The following FBXO7 variants were observed in gnomAD, a reference collection of about 807,000 sequenced individuals.
FBXO7 encodes the protein F-box protein 7.
In FBXO7, 31 loss-of-function variants were observed where a neutral mutation model predicts 50.2. The ratio of observed to expected loss-of-function variants is 0.62; its 90% CI spans 0.46 to 0.83. The LOEUF (loss-of-function observed/expected upper bound fraction) is 0.83, where lower values mean the gene tolerates loss of function less well. FBXO7 is among the 40% of genes least tolerant of loss of function. The pLI is 0.00. For missense variants in FBXO7, 667 were observed against 646.6 expected (o/e 1.03, Z -0.34); for synonymous variants, 256 against 253.1 (o/e 1.01, Z -0.11).
intron 3 of FBXO7, 24 bp from the exon 4 acceptor site, chr22:32,485,044 T>G (rs2057489476): frequency 6.2e-7 from 1 of 1,613,990 alleles, no homozygotes; most frequent in Non-Finnish European, 8.5e-7. Flanking sequence ...TCATTATTTG[T>G]TTCCCTTTCA....
chr22:32,494,502 T>C (rs1344336809), intron 7 of FBXO7, among the ~76,000 whole-genome samples: 1 of 152,008 alleles, frequency 6.6e-6, no homozygotes, highest in Non-Finnish European at 1.5e-5. Flanking sequence ...CCCCCACACC[T>C]GGCCAATTTT....
intron 7 of FBXO7, among the ~76,000 whole-genome samples, chr22:32,494,076 CTG>C (rs1267450763): frequency 8.0e-6 from 1 of 125,272 alleles, no homozygotes. Context: ...ACCTTAGTAA[CTG>C]TAAAAATGTG....
rs1219817748 is a variant in FBXO7 at position 32,476,555 on chromosome 22, CT to C, written c.122+1432del. ...GCTTGTGAAAGTAAACTCATTTTTTCTGAAAGTATACTCATTTTCTAATAAA... is the reference window on the plus strand; with the variant it reads ...GCTTGTGAAAGTAAACTCATTTTTTCGAAAGTATACTCATTTTCTAATAAA... On this transcript the variant is annotated intron_variant, in intron 1 of 8. Transcript: ENST00000266087. Among the ~76,000 whole-genome samples the C allele has an allele frequency of 3.9e-5, 6 of 152,192 alleles. 1 individual carries two copies. Among genetic ancestry groups the C allele is most frequent in the African/African-American group, 1.4e-4 (6 of 41,536 alleles).
In FBXO7 at chr22:32,498,365, T is replaced by G; in HGVS notation, c.1404T>G (p.Pro468=). 6.2e-7 allele frequency: 1 copy of G among 1,614,198 alleles called. No homozygotes were observed. The highest frequency in any genetic ancestry group is 8.5e-7 in the Non-Finnish European group (1 of 1,180,028). Residue 468 remains proline, a synonymous_variant, in exon 9 of 9, where the codon CCT becomes CCG. Transcript: ENST00000266087. ...CAATCAGTTCACTCATTCCTGGTCC[T>G]GGGGAGACGCCCAGCCAGTTTCCTC... ...GDPISSLIPG[P]GETPSQFPPL...
At chr22:32,481,218 T>G (rs1160399624) in intron 2 of FBXO7, among the ~76,000 whole-genome samples, 1 of 151,948 alleles carries the variant, frequency 6.6e-6, no homozygotes, top group Non-Finnish European at 1.5e-5. Flanking sequence ...GGATTTTAAT[T>G]TATTTTTAAA....
At position 32,493,300 on chromosome 22, in the gene FBXO7, T is replaced by C. The variant is rs186189213; in HGVS notation, c.1144+19T>C. 7.5e-6 allele frequency: 12 copies of C among 1,608,808 alleles called. No individual in the cohort carries two copies. The highest frequency in any genetic ancestry group is 1.3e-5 in the African/African-American group (1 of 74,914). ...TTTCGAGGTGATTTCCGTAATGACA[T>C]ATTCACAAGAAAGGGCTCTTATTGT... On this transcript the variant is annotated intron_variant, in intron 7 of 8. Transcript: ENST00000266087.
rs114326783 is a variant in FBXO7, at chr22:32,484,860, G to C, written c.646-208G>C. Among the ~76,000 whole-genome samples the C allele has an allele frequency of 5.6e-3, 854 of 152,174 alleles. 9 individuals are homozygous for C. Among genetic ancestry groups the C allele is most frequent in the African/African-American group, 0.019 (806 of 41,522 alleles). The stretch of plus-strand genomic sequence containing the variant: ...TTTTACCTATTTGAACAAAAATTTT[G>C]ATTAAAAGTGTTCTAATATATTATC... On this transcript the variant is annotated intron_variant, in intron 3 of 8. Coordinates refer to ENST00000266087, the MANE Select transcript of FBXO7 (RefSeq NM_012179.4).
At chr22:32,491,318 A>G (rs2057533979) in intron 6 of FBXO7, 137 bp downstream of exon 6, 1 of 665,966 alleles carries the variant, frequency 1.5e-6, no homozygotes, top group African/African-American at 1.8e-5. Flanking sequence ...ACTAAGCTTA[A>G]TATTCCTTAA....
rs975833164 is a variant in FBXO7, at chr22:32,475,466, A to G, written c.122+342A>G. The G allele has an allele frequency of 2.7e-5, 43 of 1,581,220 alleles. No individual in the cohort carries two copies. The African/African-American group carries it at 4.8e-4, about 18-fold the overall frequency. ...GAGGAGGGAACGCACAATTTCCACAACTGGTTAGATTTCAAGTTGGAAATG... is the reference window on the plus strand; with the variant it reads ...GAGGAGGGAACGCACAATTTCCACAGCTGGTTAGATTTCAAGTTGGAAATG... On this transcript the variant is annotated intron_variant, in intron 1 of 8. Coordinates refer to ENST00000266087, the MANE Select transcript of FBXO7 (RefSeq NM_012179.4).
chr22:32,475,685 C>T, intron 1 of FBXO7: 1 of 385,364 alleles, frequency 2.6e-6, no homozygotes, highest in Non-Finnish European at 4.6e-6. Flanking sequence ...GTTCATGCGC[C>T]GAGCACCGCG....
At chr22:32,496,084 C>A (rs1240989439) in intron 8 of FBXO7, among the ~76,000 whole-genome samples, 1 of 152,198 alleles carries the variant, frequency 6.6e-6, no homozygotes, top group South Asian at 2.1e-4. Context: ...CAGTGCCCAG[C>A]TTCAAAGGAC....
intron 8 of FBXO7, among the ~76,000 whole-genome samples, chr22:32,496,320 A>C (rs5998516): frequency 0.31 from 47,551 of 151,864 alleles, 7,940 homozygotes; most frequent in East Asian, 0.61. Flanking sequence ...GTCTCTACTA[A>C]AAATACAAAA....
chr22:32,493,306 C>A (rs5998515), intron 7 of FBXO7, 25 bp downstream of exon 7: 27 of 1,596,878 alleles, frequency 1.7e-5, no homozygotes, highest in Non-Finnish European at 2.2e-5. Context: ...GACATATTCA[C>A]AAGAAAGGGC....
chr22:32,484,248 T>C, intron 3 of FBXO7, 124 bp downstream of exon 3: 1 of 807,370 alleles, frequency 1.2e-6, no homozygotes, highest in Non-Finnish European at 2.1e-6. Context: ...CACTGTGCTA[T>C]ATTGGTGAAG....
chr22:32,475,607 C>T, intron 1 of FBXO7: 5 of 621,022 alleles, frequency 8.1e-6, no homozygotes, highest in Non-Finnish European at 1.0e-5. Context: ...AAAAATCTGC[C>T]CTCAATCCGA....
At chr22:32,477,938 A>G (rs1478882276) in intron 1 of FBXO7, 1 of 152,234 alleles carries the variant, frequency 6.6e-6, no homozygotes, top group Non-Finnish European at 1.5e-5. Context: ...ACAAGTAAAT[A>G]CGATGTTTTC....
At chr22:32,481,900 A>G (rs1050240937) in intron 2 of FBXO7, among the ~76,000 whole-genome samples, 3 of 145,490 alleles carry the variant, frequency 2.1e-5, no homozygotes, top group African/African-American at 7.6e-5. Flanking sequence ...TTTCATTTTT[A>G]CACATGTGAA....
In FBXO7 at chr22:32,493,867, G is replaced by C. The variant is rs142401259; in HGVS notation, c.1144+586G>C. 3.3e-5 allele frequency among the ~76,000 whole-genome samples: 5 copies of C among 151,366 alleles called. No homozygotes were observed. In the East Asian group the frequency reaches 9.7e-4, roughly 29 times the overall value. On this transcript the variant is annotated intron_variant, in intron 7 of 8. Transcript: ENST00000266087. ...GGTGGGTCATGAAATCCATTTAATG[G>C]GTCATGTTACAAAAAAACAAAACCC...
chr22:32,479,186 T>G lies in FBXO7; in HGVS notation c.328T>G (p.Ser110Ala). The change falls in exon 2 of 9, where the codon TCC becomes GCC. Residue 110 changes from serine (S) to alanine (A), a missense_variant. Coordinates refer to ENST00000266087, the MANE Select transcript of FBXO7 (RefSeq NM_012179.4). ...NNEQPSLATS[S>A]NQTSMQDEQP... The stretch of plus-strand genomic sequence containing the variant: ...TGAGCAACCCTCTTTGGCCACCAGC[T>G]CCAATCAGACTAGCATGCAGGATGA... 6.2e-7 allele frequency: 1 copy of G among 1,614,040 alleles called. No homozygotes were observed. Among genetic ancestry groups the G allele is most frequent in the Non-Finnish European group, 8.5e-7 (1 of 1,180,002 alleles).
Sources: allele counts gnomAD v4.1 joint callset (sites outside exome capture counted in the v4.1 genomes callset), GRCh38; gene constraint gnomAD v4.1.1; transcripts MANE v1.5; gene names NCBI Gene and HGNC (gene_info 2026-07-23, HGNC 2026-07-21).